SYN3: variants seen among roughly 807,000 people sequenced by gnomAD.
The protein encoded by SYN3 is synapsin-3.
SYN3 carries 35 observed loss-of-function variants against 65.8 expected under a neutral mutation model. The ratio of observed to expected loss-of-function variants is 0.53; its 90% CI spans 0.41 to 0.70. The LOEUF is 0.70. Ranked by LOEUF, SYN3 falls within the 30% of genes least tolerant of loss-of-function variation. The pLI, the probability that SYN3 is intolerant of heterozygous loss-of-function variation, is 0.00. For synonymous variants in SYN3, 270 were observed against 292.9 expected, an observed-to-expected ratio of 0.92 and a Z score of 0.80; for missense variants, 680 against 749.0, an observed-to-expected ratio of 0.91 and a Z score of 1.08.
intron 2 of SYN3, among the ~76,000 whole-genome samples, chr22:32,995,078 C>T (rs999545925): frequency 3.9e-5 from 6 of 152,132 alleles, no homozygotes; most frequent in Admixed American, 3.9e-4. Flanking sequence ...GTACCCAGGC[C>T]GTCTGGCTCT....
intron 6 of SYN3, among the ~76,000 whole-genome samples, chr22:32,695,471 G>A (rs1054920401): frequency 6.6e-6 from 1 of 152,200 alleles, no homozygotes; most frequent in African/African-American, 2.4e-5. Flanking sequence ...TTCCATTTGA[G>A]TTTGGTGTCT....
In SYN3 at chr22:32,717,468, G is replaced by A. The variant is rs1001272261; in HGVS notation, c.712-120732C>T. Among the ~76,000 whole-genome samples the A allele has an allele frequency of 2.0e-5, 3 of 152,298 alleles. No individual in the cohort carries two copies. The South Asian group carries it at 6.2e-4, about 32-fold the overall frequency. On this transcript the variant is annotated intron_variant, in intron 6 of 13. Transcript: ENST00000358763. ...AGCAGTGAGGGCTGTGCATGTGGCT[G>A]GAATGGATGCTGCTTCTCTGAGTTG...
intron 6 of SYN3, among the ~76,000 whole-genome samples, chr22:32,663,100 G>A (rs893178340): frequency 1.3e-5 from 2 of 152,154 alleles, no homozygotes; most frequent in Non-Finnish European, 2.9e-5. Flanking sequence ...TTGGAAGAAT[G>A]TGTGTGCATC....
Position 33,006,455 on chromosome 22 carries a change from C to T in SYN3, c.208G>A (p.Ala70Thr), listed in dbSNP as rs765418193. 4.3e-6 allele frequency: 7 copies of T among 1,614,040 alleles called. No homozygotes were observed. The East Asian group carries it at 6.7e-5, about 15-fold the overall frequency. Residue 70 changes from alanine (A) to threonine (T), a missense_variant, in exon 2 of 14, where the codon GCC becomes ACC. Transcript: ENST00000358763. ...FSSLSSAMKQ[A>T]PQATSGLMEP... ...ATCAGTCCTGAGGTGGCCTGAGGGG[C>T]CTGCTTCATGGCACTGGAGAGGGAG...
At chr22:32,692,529 G>C (rs1257606348) in intron 6 of SYN3, among the ~76,000 whole-genome samples, 2 of 152,158 alleles carry the variant, frequency 1.3e-5, no homozygotes, top group Non-Finnish European at 2.9e-5. Context: ...CCACCAACAC[G>C]CTCACTGTGG....
chr22:32,552,808 T>C (rs540129443), intron 7 of SYN3, among the ~76,000 whole-genome samples: 8 of 152,238 alleles, frequency 5.3e-5, no homozygotes, highest in Non-Finnish European at 1.0e-4. Context: ...GCCTCAACAA[T>C]GCTCTTTGAT....
intron 6 of SYN3, among the ~76,000 whole-genome samples, chr22:32,843,635 T>C (rs1259808112): frequency 6.6e-6 from 1 of 152,136 alleles, no homozygotes; most frequent in Non-Finnish European, 1.5e-5. Context: ...TGTGTTTTCA[T>C]GGGTAGGGCA....
At chr22:32,889,414 C>T (rs1174766897) in intron 4 of SYN3, among the ~76,000 whole-genome samples, 27 of 37,206 alleles carry the variant, frequency 7.3e-4, no homozygotes, top group African/African-American at 1.1e-3. Context: ...TTTTCCTCCA[C>T]AAGGAAAAAA....
chr22:32,717,518 G>A (rs550555110), intron 6 of SYN3, among the ~76,000 whole-genome samples: 10 of 152,318 alleles, frequency 6.6e-5, no homozygotes, highest in African/African-American at 2.4e-4. Context: ...CCAGGAAGGA[G>A]TGGGGGACCA....
chr22:32,950,370 G>A (rs1601766834), intron 3 of SYN3, among the ~76,000 whole-genome samples: 1 of 152,142 alleles, frequency 6.6e-6, no homozygotes, highest in African/African-American at 2.4e-5. Context: ...GCAGGGTCAT[G>A]GCCGGGGGTG....
chr22:32,777,705 T>G (rs1313939914), intron 6 of SYN3, among the ~76,000 whole-genome samples: 1 of 152,230 alleles, frequency 6.6e-6, no homozygotes, highest in East Asian at 1.9e-4. Flanking sequence ...TTTCTGAAAC[T>G]CACATATTAG....
At chr22:32,540,000 GAGGTTGATTAGTGGAAT>G (rs959432817) in intron 8 of SYN3, among the ~76,000 whole-genome samples, 6 of 152,194 alleles carry the variant, frequency 3.9e-5, no homozygotes, top group Non-Finnish European at 5.9e-5. Context: ...ACAGGAGGAA[GAGGTTGATTAGTGGAAT>G]AGGGCAGTTA....
chr22:32,507,971 C>T lies in SYN3; in HGVS notation c.*5721G>A, dbSNP rs538808589. Among the ~76,000 whole-genome samples the T allele has an allele frequency of 1.2e-4, 18 of 152,148 alleles. No homozygotes were observed. The highest frequency in any genetic ancestry group is 2.1e-4 in the Non-Finnish European group (14 of 68,010). On this transcript the variant is annotated 3_prime_UTR_variant, in exon 14 of 14. Transcript: ENST00000358763. ...CACTCGAAGCAGCCCTGAGAAACAT[C>T]GCCCATTCTCTCTCCATACCACCCC...
At chr22:32,897,965 A>G (rs2049643694) in intron 4 of SYN3, among the ~76,000 whole-genome samples, 1 of 151,792 alleles carries the variant, frequency 6.6e-6, no homozygotes, top group Admixed American at 6.6e-5. Context: ...GACTACAGGC[A>G]TGGGCCACCA....
At chr22:32,798,549 A>G (rs1275851592) in intron 6 of SYN3, among the ~76,000 whole-genome samples, 1 of 152,170 alleles carries the variant, frequency 6.6e-6, no homozygotes, top group Non-Finnish European at 1.5e-5. Flanking sequence ...GTTCCAGGAA[A>G]GAGAATACCA....
intron 6 of SYN3, among the ~76,000 whole-genome samples, chr22:32,786,402 CAG>C (rs2145856711): frequency 1.3e-5 from 2 of 150,478 alleles, no homozygotes; most frequent in South Asian, 4.2e-4. Flanking sequence ...TTTTTTGAGA[CAG>C]AGTCTCACTC....
chr22:32,596,361 C>A (rs1250167392), intron 7 of SYN3, among the ~76,000 whole-genome samples: 2 of 152,120 alleles, frequency 1.3e-5, no homozygotes, highest in Admixed American at 6.5e-5. Context: ...TGACAGCAAC[C>A]CCTTACAAAA....
At chr22:32,802,137 T>C in intron 6 of SYN3, 2 of 1,575,200 alleles carry the variant, frequency 1.3e-6, no homozygotes, top group Non-Finnish European at 1.7e-6. Flanking sequence ...GCGCTCCTGG[T>C]GCCCCGCCCG....
intron 4 of SYN3, among the ~76,000 whole-genome samples, chr22:32,870,403 AT>A (rs557104039): frequency 8.7e-4 from 133 of 152,292 alleles, no homozygotes; most frequent in African/African-American, 2.8e-3. Context: ...CTAAAATATA[AT>A]TTTTAATTTC....
Sources: gnomAD v4.1 joint callset for allele counts (sites outside exome capture counted in the v4.1 genomes callset) on GRCh38, gnomAD v4.1.1 for gene constraint, MANE v1.5 for transcripts, NCBI Gene and HGNC (gene_info 2026-07-23, HGNC 2026-07-21) for gene names.